BTBD16: variants seen among roughly 807,000 people sequenced by gnomAD.
BTBD16 encodes BTB domain containing 16, also known as BTB/POZ domain-containing protein 16.
BTBD16 carries 66 observed loss-of-function variants against 67.4 expected under a neutral mutation model. The ratio of observed to expected loss-of-function variants is 0.98; its 90% confidence interval spans 0.80 to 1.20. BTBD16 has a LOEUF of 1.20. Among genes scored for constraint, BTBD16 ranks in the 50% most tolerant of loss-of-function variants. The probability of loss-of-function intolerance (pLI) is 0.00; values close to 1 mark genes in which losing one functional copy is unlikely to be tolerated. For synonymous variants in BTBD16, 242 were observed against 236.4 expected (o/e 1.02, Z -0.22); for missense variants, 634 against 616.0 (o/e 1.03, Z -0.31).
intron 1 of BTBD16, among the ~76,000 whole-genome samples, chr10:122,271,908 G>A (rs144920791): frequency 0.014 from 2,193 of 152,250 alleles, 61 homozygotes; most frequent in African/African-American, 0.049. Flanking sequence ...TAACTGAAGC[G>A]GTGCTCTGTG....
chr10:122,334,161 G>T (rs1276385862), intron 13 of BTBD16, among the ~76,000 whole-genome samples: 2 of 144,654 alleles, frequency 1.4e-5, no homozygotes, highest in African/African-American at 2.6e-5. Flanking sequence ...GGTTGTTATT[G>T]TTGCTATACT....
intron 5 of BTBD16, chr10:122,287,300 A>G: frequency 2.4e-6 from 1 of 416,166 alleles, no homozygotes; most frequent in Non-Finnish European, 3.2e-6. Context: ...CCATCAGTGA[A>G]AGGCTCTGGT....
At chr10:122,306,278 CTCT>C (rs2096403552) in intron 9 of BTBD16, among the ~76,000 whole-genome samples, 2 of 152,218 alleles carry the variant, frequency 1.3e-5, no homozygotes, top group Non-Finnish European at 2.9e-5. Context: ...AGGAACACAG[CTCT>C]GCTGACAACT....
In BTBD16 at chr10:122,305,517, A is replaced by G. The variant is rs148577755; in HGVS notation, c.792-1672A>G. Among the ~76,000 whole-genome samples, 352 of 152,216 alleles carry G rather than the reference A, an allele frequency of 2.3e-3. 2 individuals carry two copies. The highest frequency in any genetic ancestry group is 7.0e-3 in the African/African-American group (289 of 41,522). On this transcript the variant is annotated intron_variant, in intron 9 of 15. Coordinates refer to ENST00000260723, the MANE Select transcript of BTBD16 (RefSeq NM_144587.5). ...CCTGCTCTTGCTCTGGCTGTGTGAC[A>G]TCCTCCTCCCCCTTTACCTTCTGCC...
At chr10:122,331,564 C>A (rs752234643) in intron 12 of BTBD16, among the ~76,000 whole-genome samples, 1 of 152,194 alleles carries the variant, frequency 6.6e-6, no homozygotes, top group African/African-American at 2.4e-5. Context: ...TCTCTGTGCA[C>A]CCTCAGCAAC....
intron 5 of BTBD16, 105 bp downstream of exon 5, chr10:122,286,353 G>A (rs1330013613): frequency 6.9e-7 from 1 of 1,456,808 alleles, no homozygotes; most frequent in Non-Finnish European, 9.1e-7. Context: ...CACTCTAGCA[G>A]TCAAGAGTAA....
At chr10:122,299,861 C>A (rs572435483) in intron 9 of BTBD16, among the ~76,000 whole-genome samples, 1 of 152,276 alleles carries the variant, frequency 6.6e-6, no homozygotes, top group East Asian at 1.9e-4. Flanking sequence ...CCCTTCTAAT[C>A]GCATCTCTAG....
At chr10:122,312,970 A>G (rs1023685399) in intron 10 of BTBD16, among the ~76,000 whole-genome samples, 1 of 152,042 alleles carries the variant, frequency 6.6e-6, no homozygotes, top group South Asian at 2.1e-4. Context: ...TCTGCCTCTC[A>G]GGTTCAAACG....
intron 10 of BTBD16, among the ~76,000 whole-genome samples, chr10:122,313,599 A>C (rs2096418286): frequency 6.6e-6 from 1 of 152,178 alleles, no homozygotes; most frequent in African/African-American, 2.4e-5. Context: ...TGCCTATTCC[A>C]GTGCCATGTG....
intron 9 of BTBD16, among the ~76,000 whole-genome samples, chr10:122,305,937 G>C (rs1479342202): frequency 6.6e-6 from 1 of 152,202 alleles, no homozygotes; most frequent in Non-Finnish European, 1.5e-5. Context: ...TTTCATGGCT[G>C]TATAGTATTT....
intron 10 of BTBD16, among the ~76,000 whole-genome samples, chr10:122,313,017 C>T (rs1295174673): frequency 6.6e-6 from 1 of 152,004 alleles, no homozygotes; most frequent in Admixed American, 6.6e-5. Context: ...GCTGGGATTA[C>T]AGGCATGTGC....
intron 10 of BTBD16, among the ~76,000 whole-genome samples, chr10:122,325,000 A>G (rs918023017): frequency 6.6e-6 from 1 of 152,220 alleles, no homozygotes; most frequent in African/African-American, 2.4e-5. Context: ...ATCTTGACAG[A>G]CAGAAGGACA....
intron 9 of BTBD16, among the ~76,000 whole-genome samples, chr10:122,301,156 A>T (rs984575909): frequency 6.6e-6 from 1 of 152,080 alleles, no homozygotes; most frequent in African/African-American, 2.4e-5. Context: ...AAGGTTGCGC[A>T]ATTGTTGAGG....
At chr10:122,276,713 GC>G (rs2096341278) in intron 2 of BTBD16, 77 bp from the exon 3 acceptor site, 15 of 1,565,632 alleles carry the variant, frequency 9.6e-6, no homozygotes, top group Admixed American at 1.8e-5. Context: ...TTTCCTTCTT[GC>G]TATACAATTT....
rs74159107 is a variant in BTBD16 at position 122,289,088 on chromosome 10, A to C, written c.386-821A>C. On this transcript the variant is annotated intron_variant, in intron 5 of 15. Coordinates refer to ENST00000260723, the MANE Select transcript of BTBD16 (RefSeq NM_144587.5). The stretch of plus-strand genomic sequence containing the variant: ...GAAATCCTTGGTGGCAGGGGTCCCC[A>C]GAGTGGAGCTCTCTGGGGCAGAGTG... Among the ~76,000 whole-genome samples, 816 of 152,262 alleles carry C rather than the reference A, an allele frequency of 5.4e-3. 5 individuals carry two copies. Among genetic ancestry groups the C allele is most frequent in the African/African-American group, 0.019 (784 of 41,562 alleles).
chr10:122,299,106 C>G lies in BTBD16; in HGVS notation c.763C>G (p.Leu255Val), dbSNP rs770211087. The G allele has an allele frequency of 3.7e-6, 6 of 1,613,990 alleles. No homozygotes were observed. Among genetic ancestry groups the G allele is most frequent in the Middle Eastern group, 1.7e-4 (1 of 6,016 alleles). ...QIHLHKIPQD[L>V]LHKVLKSPRL... ...CCACCTCCACAAAATCCCACAGGAC[C>G]TGCTCCACAAAGTGCTGAAGTCCCC... The change falls in exon 9 of 16, where the codon CTG becomes GTG. Residue 255 changes from leucine (L) to valine (V), a missense_variant. Coordinates refer to ENST00000260723, the MANE Select transcript of BTBD16 (RefSeq NM_144587.5).
intron 6 of BTBD16, among the ~76,000 whole-genome samples, chr10:122,290,434 C>T (rs2096371812): frequency 6.6e-6 from 1 of 152,208 alleles, no homozygotes; most frequent in African/African-American, 2.4e-5. Flanking sequence ...CTCCCCATCC[C>T]CTCACAGCCA....
rs1049817029 is a variant in BTBD16 at position 122,275,395 on chromosome 10, A to G, written c.18+296A>G. Reference sequence around the variant, plus strand: ...CATCTTCTAGGCACTATACTAAGGCATATTTCCCAAACTTTATCCTACTTT... The same window carrying G: ...CATCTTCTAGGCACTATACTAAGGCGTATTTCCCAAACTTTATCCTACTTT... On this transcript the variant is annotated intron_variant, in intron 2 of 15. Transcript: ENST00000260723. Among the ~76,000 whole-genome samples the G allele has an allele frequency of 3.9e-5, 6 of 152,332 alleles. No individual in the cohort carries two copies. In the East Asian group the frequency reaches 9.6e-4, roughly 24 times the overall value.
intron 3 of BTBD16, among the ~76,000 whole-genome samples, chr10:122,280,472 C>G (rs984544671): frequency 8.5e-5 from 13 of 152,116 alleles, no homozygotes; most frequent in African/African-American, 3.1e-4. Context: ...GGTTTTCTCC[C>G]TTTCTGCCCG....
Sources: allele counts gnomAD v4.1 joint callset (sites outside exome capture counted in the v4.1 genomes callset), GRCh38; gene constraint gnomAD v4.1.1; transcripts MANE v1.5; gene names NCBI Gene and HGNC (gene_info 2026-07-23, HGNC 2026-07-21).